The following UBE2E2 variants were observed in gnomAD, a reference collection of about 807,000 sequenced individuals.
UBE2E2 encodes the protein ubiquitin conjugating enzyme E2 E2, also known as ubiquitin-conjugating enzyme E2 E2.
Under a neutral mutation model 24.7 loss-of-function variants are expected in UBE2E2, and 6 were observed. The observed-to-expected ratio is 0.24, with a 90% confidence interval of 0.13 to 0.48. The LOEUF (loss-of-function observed/expected upper bound fraction) is 0.48, where lower values mean the gene tolerates loss of function less well. Ranked by LOEUF, UBE2E2 falls within the 20% of genes least tolerant of loss-of-function variation. The pLI is 0.99. For synonymous variants in UBE2E2, 104 were observed against 83.6 expected (o/e 1.24, Z -1.33); for missense variants, 169 against 245.0 (o/e 0.69, Z 2.07).
intron 3 of UBE2E2, among the ~76,000 whole-genome samples, chr3:23,265,194 G>T (rs140845349): frequency 1.4e-4 from 22 of 152,274 alleles, no homozygotes; most frequent in Non-Finnish European, 2.5e-4. Flanking sequence ...GGAGAAGGAA[G>T]AATTGAAGAT....
intron 3 of UBE2E2, among the ~76,000 whole-genome samples, chr3:23,308,473 C>G (rs1356800319): frequency 6.6e-6 from 1 of 152,062 alleles, no homozygotes; most frequent in African/African-American, 2.4e-5. Flanking sequence ...TATTTTTACA[C>G]AAATAAATAT....
chr3:23,435,197 T>C (rs1366021354), intron 3 of UBE2E2, among the ~76,000 whole-genome samples: 2 of 152,206 alleles, frequency 1.3e-5, no homozygotes, highest in African/African-American at 4.8e-5. Context: ...GTAATAGTTA[T>C]GGTGATAGGG....
chr3:23,289,800 T>G (rs1231547439), intron 3 of UBE2E2, among the ~76,000 whole-genome samples: 4 of 152,266 alleles, frequency 2.6e-5, no homozygotes, highest in Non-Finnish European at 5.9e-5. Context: ...ACCAGTGACA[T>G]TACATTAAAG....
chr3:23,270,802 G>A, intron 3 of UBE2E2: 2 of 394,034 alleles, frequency 5.1e-6, no homozygotes, highest in South Asian at 3.8e-5. Context: ...ACAGTTTCAG[G>A]AATTCATTTA....
At chr3:23,395,533 A>G (rs538414878) in intron 3 of UBE2E2, among the ~76,000 whole-genome samples, 16 of 152,326 alleles carry the variant, frequency 1.1e-4, no homozygotes, top group Non-Finnish European at 2.2e-4. Flanking sequence ...GAATTAGAAT[A>G]TAATTGACTT....
At chr3:23,410,730 A>T (rs1168557230) in intron 3 of UBE2E2, among the ~76,000 whole-genome samples, 1 of 152,168 alleles carries the variant, frequency 6.6e-6, no homozygotes, top group Non-Finnish European at 1.5e-5. Flanking sequence ...AATAAGGTAA[A>T]AGCAGAAAAC....
chr3:23,546,123 C>A (rs1052993309), intron 5 of UBE2E2, among the ~76,000 whole-genome samples: 4 of 152,138 alleles, frequency 2.6e-5, no homozygotes, highest in Non-Finnish European at 5.9e-5. Context: ...TCCATGTAAC[C>A]AGAAACCACT....
At chr3:23,343,550 G>A (rs886113193) in intron 3 of UBE2E2, among the ~76,000 whole-genome samples, 2 of 152,086 alleles carry the variant, frequency 1.3e-5, no homozygotes, top group Admixed American at 1.3e-4. Flanking sequence ...CACTCTAGCC[G>A]GGGCGACAGA....
intron 3 of UBE2E2, among the ~76,000 whole-genome samples, chr3:23,323,317 T>A (rs1440361970): frequency 6.6e-6 from 1 of 152,112 alleles, no homozygotes; most frequent in Non-Finnish European, 1.5e-5. Context: ...ATTTTTATGT[T>A]ACTGGTTAGT....
intron 3 of UBE2E2, among the ~76,000 whole-genome samples, chr3:23,341,644 T>C (rs1223279738): frequency 2.6e-5 from 4 of 152,302 alleles, no homozygotes; most frequent in South Asian, 2.1e-4. Context: ...GCTACTCTTA[T>C]CTGCATAAAC....
intron 3 of UBE2E2, among the ~76,000 whole-genome samples, chr3:23,257,038 G>C (rs186562975): frequency 9.8e-5 from 15 of 152,298 alleles, no homozygotes; most frequent in Admixed American, 2.0e-4. Context: ...TCTCCCCTTT[G>C]CTACTTCAGG....
chr3:23,430,652 A>G (rs902028037), intron 3 of UBE2E2, among the ~76,000 whole-genome samples: 3 of 151,966 alleles, frequency 2.0e-5, no homozygotes, highest in East Asian at 1.9e-4. Flanking sequence ...CTGAGTAGCT[A>G]GGACTACAGG....
intron 4 of UBE2E2, among the ~76,000 whole-genome samples, chr3:23,524,660 G>T (rs1487457747): frequency 2.0e-5 from 3 of 152,098 alleles, no homozygotes; most frequent in East Asian, 1.9e-4. Context: ...GGAAAGAGAG[G>T]CTCAGAGTTG....
At chr3:23,476,284 C>A (rs140295069) in intron 3 of UBE2E2, among the ~76,000 whole-genome samples, 1 of 151,986 alleles carries the variant, frequency 6.6e-6, no homozygotes. Flanking sequence ...TGGATATTGT[C>A]GTAACACTGA....
chr3:23,397,838 C>G (rs116817779), intron 3 of UBE2E2, among the ~76,000 whole-genome samples: 99 of 152,140 alleles, frequency 6.5e-4, no homozygotes, highest in Non-Finnish European at 9.9e-4. Context: ...TTTCTTTTTT[C>G]ATTCTCAGAC....
chr3:23,283,511 C>T (rs1368092199), intron 3 of UBE2E2, among the ~76,000 whole-genome samples: 2 of 152,096 alleles, frequency 1.3e-5, no homozygotes, highest in Non-Finnish European at 1.5e-5. Flanking sequence ...GAGGTGGGAT[C>T]GCTTGAGCTC....
At chr3:23,487,609 C>T (rs1699404198) in intron 3 of UBE2E2, among the ~76,000 whole-genome samples, 1 of 152,192 alleles carries the variant, frequency 6.6e-6, no homozygotes, top group South Asian at 2.1e-4. Context: ...TATATTAATT[C>T]ATTTGATGCT....
In UBE2E2 at chr3:23,345,729, T is replaced by C. The variant is rs955340748; in HGVS notation, c.227+128417T>C. ...AGATAAATTGATTTTTTTAATGTCA[T>C]GTTAAGCATTTAAATTGCCTTTACA... On this transcript the variant is annotated intron_variant, in intron 3 of 5. Transcript: ENST00000396703. Among the ~76,000 whole-genome samples, 18 of 152,326 alleles carry C rather than the reference T, an allele frequency of 1.2e-4. No individual in the cohort carries two copies. The East Asian group carries it at 1.3e-3, about 11-fold the overall frequency.
At chr3:23,580,896 G>C (rs1696461696) in intron 5 of UBE2E2, among the ~76,000 whole-genome samples, 1 of 151,896 alleles carries the variant, frequency 6.6e-6, no homozygotes, top group Non-Finnish European at 1.5e-5. Flanking sequence ...AGATGTCCCA[G>C]AAAATATCCC....
Sources: gnomAD v4.1 joint callset for allele counts (sites outside exome capture counted in the v4.1 genomes callset) on GRCh38, gnomAD v4.1.1 for gene constraint, MANE v1.5 for transcripts, NCBI Gene and HGNC (gene_info 2026-07-23, HGNC 2026-07-21) for gene names.